Variants in TSHZ3 observed in about 807,000 individuals in gnomAD.
TSHZ3 encodes the protein teashirt homolog 3.
Under a neutral mutation model 64.5 loss-of-function variants are expected in TSHZ3, and 10 were observed. The observed-to-expected ratio is 0.16, with a 90% confidence interval of 0.10 to 0.26. The LOEUF (loss-of-function observed/expected upper bound fraction) is 0.26, where lower values mean the gene tolerates loss of function less well. Ranked by LOEUF, TSHZ3 falls within the 10% of genes least tolerant of loss-of-function variation. The pLI, the probability that TSHZ3 is intolerant of heterozygous loss-of-function variation, is 1.00. For missense variants in TSHZ3, 1,242 were observed against 1,421.7 expected (o/e 0.87, Z 2.03); for synonymous variants, 608 against 593.1 (o/e 1.03, Z -0.36).
exon 3 of TSHZ3, among the ~76,000 whole-genome samples, chr19:31,242,536 T>C (rs566268393): frequency 2.0e-5 from 3 of 150,404 alleles, no homozygotes; most frequent in Non-Finnish European, 3.0e-5. Flanking sequence ...GAACCTGGAG[T>C]TCTGATGTCC....
At chr19:31,283,310 G>C (rs1018955719) in intron 1 of TSHZ3, among the ~76,000 whole-genome samples, 1 of 152,202 alleles carries the variant, frequency 6.6e-6, no homozygotes, top group East Asian at 1.9e-4. Flanking sequence ...TCTAGCCTGG[G>C]CAACAAAGCA....
intron 5 of TSHZ3, among the ~76,000 whole-genome samples, chr19:31,169,121 A>C (rs1974498859): frequency 6.6e-6 from 1 of 152,106 alleles, no homozygotes; most frequent in Non-Finnish European, 1.5e-5. Flanking sequence ...CATTGAAAAA[A>C]AAAAGAGAGA....
chr19:31,204,885 C>G (rs1441882539), intron 5 of TSHZ3: 1 of 152,424 alleles, frequency 6.6e-6, no homozygotes, highest in Non-Finnish European at 1.5e-5. Flanking sequence ...CCCTTCGACA[C>G]AGGGAGCTGG....
At chr19:31,160,972 C>T (rs1048058369) in intron 5 of TSHZ3, among the ~76,000 whole-genome samples, 1 of 152,098 alleles carries the variant, frequency 6.6e-6, no homozygotes, top group African/African-American at 2.4e-5. Flanking sequence ...TTGTCTTTCT[C>T]ACTTATTTTA....
chr19:31,330,620 G>A (rs1362909944), intron 1 of TSHZ3, among the ~76,000 whole-genome samples: 2 of 151,624 alleles, frequency 1.3e-5, no homozygotes, highest in African/African-American at 4.8e-5. Context: ...AATGGAGGCT[G>A]TTGACCTGCT....
In TSHZ3 at chr19:31,164,937, AG is replaced by A. The variant is rs1974424391; in HGVS notation, n.810-8521del. Among the ~76,000 whole-genome samples the A allele has an allele frequency of 3.9e-5, 6 of 152,362 alleles. 1 individual carries two copies. The South Asian group carries it at 1.2e-3, about 32-fold the overall frequency. ...ACTTGCAGGGGAGACCCCAGAGAGC[AG>A]TAATTCTGTGCATAAAAGCGAGCGG... is the stretch of plus-strand genomic sequence containing the variant. On this transcript the variant is annotated intron_variant and non_coding_transcript_variant, in intron 5 of 6. Coordinates refer to the TSHZ3 transcript ENST00000651361.
chr19:31,309,895 A>G (rs1916408003), intron 1 of TSHZ3, among the ~76,000 whole-genome samples: 1 of 151,778 alleles, frequency 6.6e-6, no homozygotes, highest in African/African-American at 2.4e-5. Flanking sequence ...CGTGCATCTG[A>G]GTCTCATCCT....
intron 1 of TSHZ3, among the ~76,000 whole-genome samples, chr19:31,293,330 T>G (rs752860105): frequency 2.6e-5 from 4 of 152,238 alleles, no homozygotes; most frequent in Admixed American, 6.5e-5. Flanking sequence ...TAGAGAATCA[T>G]ACATCTGCAC....
At chr19:31,300,065 AGT>A (rs369255947) in intron 1 of TSHZ3, among the ~76,000 whole-genome samples, 495 of 151,532 alleles carry the variant, frequency 3.3e-3, no homozygotes, top group Non-Finnish European at 5.4e-3. Context: ...CACGCGAGAG[AGT>A]GTGTGTGTGT....
At chr19:31,194,892 A>T (rs1201257693) in intron 5 of TSHZ3, among the ~76,000 whole-genome samples, 5 of 152,192 alleles carry the variant, frequency 3.3e-5, no homozygotes, top group African/African-American at 1.2e-4. Context: ...ATTCTAAGAA[A>T]AAAGAAACAA....
chr19:31,235,776 T>A (rs1407685009), intron 3 of TSHZ3, among the ~76,000 whole-genome samples: 1 of 142,876 alleles, frequency 7.0e-6, no homozygotes, highest in African/African-American at 2.6e-5. Context: ...AGTGGCACGA[T>A]CTCTACTCAC....
upstream of TSHZ3, chr19:31,349,601 C>CGTCGGCAACAGGCAAG (rs2021642396): frequency 6.6e-6 from 1 of 152,082 alleles, no homozygotes; most frequent in Non-Finnish European, 1.3e-5. Flanking sequence ...GGAGCGGCGG[C>CGTCGGCAACAGGCAAG]CCTGCCCCCC....
At chr19:31,249,250 G>A (rs569457098) in intron 1 of TSHZ3, among the ~76,000 whole-genome samples, 2 of 152,326 alleles carry the variant, frequency 1.3e-5, no homozygotes, top group South Asian at 4.1e-4. Context: ...CCTGCAGCCT[G>A]AGGAAGTAGG....
At chr19:31,310,482 C>G (rs1471450412) in intron 1 of TSHZ3, among the ~76,000 whole-genome samples, 1 of 152,142 alleles carries the variant, frequency 6.6e-6, no homozygotes, top group African/African-American at 2.4e-5. Flanking sequence ...CTCAGGGACC[C>G]ACTGCTCAGG....
chr19:31,204,140 C>T (rs1258212805), intron 5 of TSHZ3, among the ~76,000 whole-genome samples: 1 of 152,098 alleles, frequency 6.6e-6, no homozygotes. Context: ...CCAATCACCT[C>T]CTTCCCTCCA....
At chr19:31,249,302 A>G (rs4805659) in intron 1 of TSHZ3, among the ~76,000 whole-genome samples, 51,795 of 152,136 alleles carry the variant, frequency 0.34, 12,789 homozygotes, top group African/African-American at 0.69. Context: ...AGGATAGCCC[A>G]CCCAACGCTT....
chr19:31,228,447 G>T (rs538037492), intron 3 of TSHZ3, among the ~76,000 whole-genome samples: 1 of 150,372 alleles, frequency 6.7e-6, no homozygotes, highest in Non-Finnish European at 1.5e-5. Flanking sequence ...GATCACATGA[G>T]CCCCGGAGGC....
At chr19:31,164,627 G>T (rs1974418826) in intron 5 of TSHZ3, among the ~76,000 whole-genome samples, 1 of 152,116 alleles carries the variant, frequency 6.6e-6, no homozygotes, top group South Asian at 2.1e-4. Flanking sequence ...GCTTACACAA[G>T]TCACACCGAC....
chr19:31,208,905 A>G (rs1345166924), intron 4 of TSHZ3, among the ~76,000 whole-genome samples: 1 of 152,170 alleles, frequency 6.6e-6, no homozygotes, highest in African/African-American at 2.4e-5. Context: ...GGATTTTAGG[A>G]CGGCTGGGGT....
Sources: gnomAD v4.1 joint callset for allele counts (sites outside exome capture counted in the v4.1 genomes callset) on GRCh38, gnomAD v4.1.1 for gene constraint, MANE v1.5 for transcripts, NCBI Gene and HGNC (gene_info 2026-07-23, HGNC 2026-07-21) for gene names.